Variants in EPN1 observed in about 807,000 individuals in gnomAD.
EPN1 encodes epsin 1, also known as epsin-1.
Under a neutral mutation model 56.9 loss-of-function variants are expected in EPN1, and 25 were observed. The ratio of observed to expected loss-of-function variants is 0.44; its 90% CI spans 0.32 to 0.61. The LOEUF is 0.61. EPN1 is among the 20% of genes least tolerant of loss of function. The pLI is 0.05. For missense variants in EPN1, 785 were observed against 823.7 expected (o/e 0.95, Z 0.58); for synonymous variants, 411 against 361.8 (o/e 1.14, Z -1.54).
chr19:55,676,980 G>T, intron 1 of EPN1: 1 of 682,516 alleles, frequency 1.5e-6, no homozygotes, highest in Non-Finnish European at 2.4e-6. Context: ...TCATCTTAAT[G>T]TATTAGGCTG....
rs1313131250 is a variant in EPN1 at position 55,701,406 on chromosome 19, A to C, written c.*6050A>C. The C allele has an allele frequency of 6.6e-6, 1 of 150,796 alleles. No individual in the cohort carries two copies. Among genetic ancestry groups the C allele is most frequent in the East Asian group, 2.0e-4 (1 of 5,122 alleles). The allele number at this position is 150,796 out of a possible 1,614,324, so 9.3% of individuals were successfully genotyped here. The stretch of plus-strand genomic sequence containing the variant: ...GGAGGTTGTAGTGAGCCGAGATTGC[A>C]CTACTGCACTCCAGCCTGGGTGACA... On this transcript the variant is annotated 3_prime_UTR_variant, in exon 11 of 11. Coordinates refer to ENST00000270460, the MANE Select transcript of EPN1 (RefSeq NM_001130072.2).
rs1986116271 is a variant in EPN1, at chr19:55,685,623, A to G, written c.456A>G (p.Glu152=). The stretch of plus-strand genomic sequence containing the variant: ...GGGCGCACGCGCTCAAGACCAAGGA[A>G]AAGCTGGCACAGACCGCCACGGGTG... ...EERAHALKTK[E]KLAQTATASS... is the part of the protein sequence containing the mutation. The change falls in exon 3 of 11, where the codon GAA becomes GAG. Residue 152 remains glutamate (E), a synonymous_variant. Transcript: ENST00000270460. 3.7e-6 allele frequency: 6 copies of G among 1,601,262 alleles called. No homozygotes were observed. Among genetic ancestry groups the G allele is most frequent in the Non-Finnish European group, 5.1e-6 (6 of 1,175,096 alleles).
chr19:55,708,341 T>G lies in EPN1; in HGVS notation c.*12985T>G, dbSNP rs892136045. On this transcript the variant is annotated 3_prime_UTR_variant, in exon 11 of 11. Coordinates refer to ENST00000270460, the MANE Select transcript of EPN1 (RefSeq NM_001130072.2). The stretch of plus-strand genomic sequence containing the variant: ...AATTATGACAATGAAGTGTTTAATA[T>G]TGTGTTTTGAAATATAAACAGTGTA... 2.6e-5 allele frequency: 4 copies of G among 152,240 alleles called. No individual in the cohort carries two copies. The highest frequency in any genetic ancestry group is 9.6e-5 in the African/African-American group (4 of 41,466). The allele number at this position is 152,240 out of a possible 1,614,324, so 9.4% of individuals were successfully genotyped here.
rs1324277673 is a variant in EPN1, at chr19:55,706,299, T to TTTTTTTTTTTTTTTTTTTTTA, written c.*10943_*10944insTTTTTTTTTTTTTTTTTTTTA. 6.5e-6 allele frequency: 1 copy of TTTTTTTTTTTTTTTTTTTTTA among 154,808 alleles called. No homozygotes were observed. Among genetic ancestry groups the TTTTTTTTTTTTTTTTTTTTTA allele is most frequent in the African/African-American group, 2.5e-5 (1 of 39,260 alleles). 9.6% of individuals were successfully genotyped at this position (154,808 alleles called of 1,614,324 possible). On this transcript the variant is annotated 3_prime_UTR_variant, in exon 11 of 11. Coordinates refer to ENST00000270460, the MANE Select transcript of EPN1 (RefSeq NM_001130072.2). ...TTTCTTCTTCTTTTTTTTTTTTTTT[T>TTTTTTTTTTTTTTTTTTTTTA]AAAAGACCGTGTTTCGCTCTGTCAC...
At position 55,706,151 on chromosome 19, in the gene EPN1, C is replaced by A; in HGVS notation, c.*10795C>A. 5.2e-6 allele frequency: 1 copy of A among 193,606 alleles called. No individual in the cohort carries two copies. Among genetic ancestry groups the A allele is most frequent in the South Asian group, 9.5e-5 (1 of 10,512 alleles). 12.0% of individuals were successfully genotyped at this position (193,606 alleles called of 1,614,324 possible). A position where few individuals can be genotyped will look rare whatever the true frequency, so the allele number is the denominator to read the frequency against. On this transcript the variant is annotated 3_prime_UTR_variant, in exon 11 of 11. Transcript: ENST00000270460. ...TGGAGAACTTTGATTTCTTCTTCCTCCTCCTCCTCTCTTTTCTTCTTCCTC... is the reference window on the plus strand; with the variant it reads ...TGGAGAACTTTGATTTCTTCTTCCTACTCCTCCTCTCTTTTCTTCTTCCTC...
At position 55,705,420 on chromosome 19, in the gene EPN1, AATGG is replaced by A. The variant is rs1366663580; in HGVS notation, c.*10068_*10071del. 6.6e-6 allele frequency: 1 copy of A among 152,212 alleles called. No homozygotes were observed. Among genetic ancestry groups the A allele is most frequent in the Non-Finnish European group, 1.5e-5 (1 of 68,050 alleles). 9.4% of individuals were successfully genotyped at this position (152,212 alleles called of 1,614,324 possible). ...TCCAGCAGTTTGGGAGGCCGGGGCGAATGGATGACTTGAGGTCAGGAGTTCGAGA... is the reference window on the plus strand; with the variant it reads ...TCCAGCAGTTTGGGAGGCCGGGGCGAATGACTTGAGGTCAGGAGTTCGAGA... On this transcript the variant is annotated 3_prime_UTR_variant, in exon 11 of 11. Coordinates refer to ENST00000270460, the MANE Select transcript of EPN1 (RefSeq NM_001130072.2).
rs754939163 is a variant in EPN1 at position 55,695,151 on chromosome 19, G to A, written c.1526G>A (p.Gly509Asp). 2 of 1,613,594 alleles carry A rather than the reference G, an allele frequency of 1.2e-6. No individual in the cohort carries two copies. Among genetic ancestry groups the A allele is most frequent in the Admixed American group, 3.3e-5 (2 of 60,018 alleles). The change falls in exon 11 of 11, where the codon GGC becomes GAC. Residue 509 changes from glycine (G) to aspartate (D), a missense_variant. Gly to Asp is a moderately conservative substitution (Grantham distance 94). Around this residue, in one of 2 missense-constraint regions of EPN1, gnomAD observed 650 missense variants for 605.0 expected, o/e 1.07. Coordinates refer to ENST00000270460, the MANE Select transcript of EPN1 (RefSeq NM_001130072.2). The surrounding 1 kb of genome is among the most constrained non-coding windows in gnomAD (Gnocchi z 4.4). The part of the protein sequence containing the change: ...KASNPFLPGG[G>D]PATGPSVTNP... The stretch of plus-strand genomic sequence containing the variant: ...CTCTGGTTTACTCTTCCTGCAGGAG[G>A]CCCAGCCACTGGCCCTTCCGTCACC...
chr19:55,695,325 C>T lies in EPN1; in HGVS notation c.1700C>T (p.Pro567Leu), dbSNP rs929361270. ...GLPPMMPPGP[P>L]APNTNPFLL The stretch of plus-strand genomic sequence containing the variant: ...CCCCCCATGATGCCCCCGGGCCCCC[C>T]GGCCCCCAACACTAATCCCTTCCTC... The change falls in exon 11 of 11, where the codon CCG (proline) becomes CTG (leucine). Residue 567 changes from proline (P) to leucine (L), a missense_variant. By Grantham distance (98) the Pro-to-Leu change is moderately conservative. Transcript: ENST00000270460. The surrounding 1 kb of genome is among the most constrained non-coding windows in gnomAD (Gnocchi z 4.4). 22 of 1,526,302 alleles carry T rather than the reference C, an allele frequency of 1.4e-5. No homozygotes were observed. Among genetic ancestry groups the T allele is most frequent in the African/African-American group, 1.1e-4 (8 of 72,748 alleles). 94.5% of individuals were successfully genotyped at this position (1,526,302 alleles called of 1,614,324 possible).
intron 2 of EPN1, among the ~76,000 whole-genome samples, chr19:55,681,461 G>A (rs1266759272): frequency 1.3e-5 from 2 of 152,152 alleles, no homozygotes; most frequent in African/African-American, 2.4e-5. Context: ...CTCAGTCTTG[G>A]CTTTAAACCA....
rs1207005581 is a variant in EPN1 at position 55,703,613 on chromosome 19, T to G, written c.*8257T>G. 1 of 152,252 alleles carries G rather than the reference T, an allele frequency of 6.6e-6. No homozygotes were observed. Among genetic ancestry groups the G allele is most frequent in the African/African-American group, 2.4e-5 (1 of 41,460 alleles). The allele number at this position is 152,252 out of a possible 1,614,324, so 9.4% of individuals were successfully genotyped here. Reference sequence around the variant, plus strand: ...TACTGGGATTACAGGCGTGAGCCACTGGGCGCAGCCTGGGATCCTCACTTT... The same window carrying G: ...TACTGGGATTACAGGCGTGAGCCACGGGGCGCAGCCTGGGATCCTCACTTT... On this transcript the variant is annotated 3_prime_UTR_variant, in exon 11 of 11. Transcript: ENST00000270460.
intron 2 of EPN1, among the ~76,000 whole-genome samples, chr19:55,683,700 G>C (rs1294965276): frequency 6.6e-6 from 1 of 152,218 alleles, no homozygotes; most frequent in African/African-American, 2.4e-5. Flanking sequence ...CTGTGTGAGC[G>C]TGCCATAGTT....
chr19:55,679,153 C>CA (rs1985636965), intron 2 of EPN1, among the ~76,000 whole-genome samples: 1 of 152,224 alleles, frequency 6.6e-6, no homozygotes, highest in Non-Finnish European at 1.5e-5. Flanking sequence ...TTCCTTTCCT[C>CA]ACAGCAGCCA....
Position 55,706,856 on chromosome 19 carries a change from TAGTG to T in EPN1, c.*11503_*11506del, listed in dbSNP as rs1220057531. 1.3e-5 allele frequency: 2 copies of T among 151,510 alleles called. No homozygotes were observed. The highest frequency in any genetic ancestry group is 2.9e-5 in the Non-Finnish European group (2 of 67,916). 9.4% of individuals were successfully genotyped at this position (151,510 alleles called of 1,614,324 possible). ...GAGTACCAGACCAGCCTGGGAAACA[TAGTG>T]AGACCCCGTCTATACTAAAAAATAT... On this transcript the variant is annotated 3_prime_UTR_variant, in exon 11 of 11. Transcript: ENST00000270460.
At position 55,703,511 on chromosome 19, in the gene EPN1, A is replaced by G. The variant is rs1327117589; in HGVS notation, c.*8155A>G. On this transcript the variant is annotated 3_prime_UTR_variant, in exon 11 of 11. Coordinates refer to ENST00000270460, the MANE Select transcript of EPN1 (RefSeq NM_001130072.2). Reference sequence around the variant, plus strand: ...GCTAATTTTTGTATTTTTAGTAGAGACGGGGTTTCACCACGTTGGCCAGGC... The same window carrying G: ...GCTAATTTTTGTATTTTTAGTAGAGGCGGGGTTTCACCACGTTGGCCAGGC... 3.3e-5 allele frequency: 5 copies of G among 152,078 alleles called. No individual in the cohort carries two copies. Among genetic ancestry groups the G allele is most frequent in the Admixed American group, 3.3e-4 (5 of 15,246 alleles). The allele number at this position is 152,078 out of a possible 1,614,324, so 9.4% of individuals were successfully genotyped here.
rs200735009 is a variant in EPN1, at chr19:55,706,159, T to TCCTC, written c.*10804_*10805insCTCC. 5.5e-6 allele frequency: 1 copy of TCCTC among 180,762 alleles called. No homozygotes were observed. The highest frequency in any genetic ancestry group is 1.2e-5 in the Non-Finnish European group (1 of 85,350). The allele number at this position is 180,762 out of a possible 1,614,324, so 11.2% of individuals were successfully genotyped here. ...TTTGATTTCTTCTTCCTCCTCCTCC[T>TCCTC]CTCTTTTCTTCTTCCTCTTCCTCCT... On this transcript the variant is annotated 3_prime_UTR_variant, in exon 11 of 11. Coordinates refer to ENST00000270460, the MANE Select transcript of EPN1 (RefSeq NM_001130072.2).
At chr19:55,675,610 C>G (rs578030744) in intron 1 of EPN1, among the ~76,000 whole-genome samples, 175 bp downstream of exon 1, 1 of 152,294 alleles carries the variant, frequency 6.6e-6, no homozygotes, top group Admixed American at 6.5e-5. Flanking sequence ...GTGTCTGTCT[C>G]TCTCGTGTCT....
Position 55,678,754 on chromosome 19 carries a change from A to G in EPN1, c.127A>G (p.Ile43Val). The change falls in exon 2 of 11, where the codon ATT becomes GTT. Residue 43 changes from isoleucine (I) to valine (V), a missense_variant. Transcript: ENST00000270460. ...CCCATCCAGCTCCCTCATGTCAGAGATTGCCGACCTCACCTACAACGTTGT... is the reference window on the plus strand; with the variant it reads ...CCCATCCAGCTCCCTCATGTCAGAGGTTGCCGACCTCACCTACAACGTTGT... ...WGPSSSLMSE[I>V]ADLTYNVVAF... is the part of the protein sequence containing the mutation. 1 of 1,614,114 alleles carries G rather than the reference A, an allele frequency of 6.2e-7. No individual in the cohort carries two copies. The highest frequency in any genetic ancestry group is 8.5e-7 in the Non-Finnish European group (1 of 1,180,020).
rs1986086266 is a variant in EPN1 at position 55,685,232 on chromosome 19, T to C, written c.229-164T>C. On this transcript the variant is annotated intron_variant, in intron 2 of 10. Transcript: ENST00000270460. ...GTGGGTCTGTGTTCATTCCTTTGCATGGCCGTGTCGTATTCTGTGGGGACA... is the reference window on the plus strand; with the variant it reads ...GTGGGTCTGTGTTCATTCCTTTGCACGGCCGTGTCGTATTCTGTGGGGACA... Among the ~76,000 whole-genome samples the C allele has an allele frequency of 3.9e-5, 6 of 152,390 alleles. No homozygotes were observed. In the South Asian group the frequency reaches 1.2e-3, roughly 32 times the overall value.
Position 55,704,828 on chromosome 19 carries a change from G to A in EPN1, c.*9472G>A, listed in dbSNP as rs1433098253. On this transcript the variant is annotated 3_prime_UTR_variant, in exon 11 of 11. Coordinates refer to ENST00000270460, the MANE Select transcript of EPN1 (RefSeq NM_001130072.2). ...CCTTCCTTCTGTAATACAGACAACA[G>A]AGACAGGAGATGGCCTGGCCCCACT... 1 of 152,350 alleles carries A rather than the reference G, an allele frequency of 6.6e-6. No homozygotes were observed. Among genetic ancestry groups the A allele is most frequent in the Non-Finnish European group, 1.5e-5 (1 of 68,130 alleles). 9.4% of individuals were successfully genotyped at this position (152,350 alleles called of 1,614,324 possible).
Sources: allele counts gnomAD v4.1 joint callset (sites outside exome capture counted in the v4.1 genomes callset), GRCh38; gene constraint gnomAD v4.1.1; regional missense constraint gnomAD v4.1.1; non-coding constraint Gnocchi (gnomAD v3.1); transcripts MANE v1.5; gene names NCBI Gene and HGNC (gene_info 2026-07-23, HGNC 2026-07-21).